PHF24: variants seen among roughly 807,000 people sequenced by gnomAD.
The protein encoded by PHF24 is PHD finger protein 24.
PHF24 carries 25 observed loss-of-function variants against 42.6 expected under a neutral mutation model. The ratio of observed to expected loss-of-function variants is 0.59; its 90% confidence interval spans 0.43 to 0.82. The LOEUF is 0.82. Ranked by LOEUF, PHF24 falls within the 40% of genes least tolerant of loss-of-function variation. The pLI is 0.00. For missense variants in PHF24, 470 were observed against 538.1 expected, an observed-to-expected ratio of 0.87 and a Z score of 1.25; for synonymous variants, 185 against 204.8, an observed-to-expected ratio of 0.90 and a Z score of 0.83.
the PHF24 span, among the ~76,000 whole-genome samples, chr9:34,937,520 G>A: frequency 3.3e-5 from 5 of 152,056 alleles, no homozygotes; most frequent in South Asian, 2.1e-4. Context: ...GCGGAAGGCC[G>A]CAGGGTCCTC....
the PHF24 span, chr9:34,832,920 C>A: frequency 1.3e-6 from 2 of 1,551,668 alleles, no homozygotes; most frequent in Non-Finnish European, 1.7e-6. Context: ...TCCCCAGGGA[C>A]TCGTGGAGGT....
the PHF24 span, among the ~76,000 whole-genome samples, chr9:34,771,651 C>G: frequency 6.6e-6 from 1 of 152,100 alleles, no homozygotes; most frequent in East Asian, 1.9e-4. Context: ...GCCATTTTAT[C>G]ATATGTGTAG....
intron 1 of PHF24, among the ~76,000 whole-genome samples, chr9:34,970,595 G>A (rs1014628572): frequency 2.6e-5 from 4 of 152,182 alleles, no homozygotes; most frequent in African/African-American, 9.7e-5. Context: ...ATGAGGATTA[G>A]CCCCAGATGG....
chr9:34,891,575 G>T, the PHF24 span, among the ~76,000 whole-genome samples: 2 of 152,232 alleles, frequency 1.3e-5, no homozygotes, highest in Non-Finnish European at 1.5e-5. Context: ...GTCACAGGAT[G>T]AACTGGATAG....
chr9:34,869,484 TTTGTGTTTCTCTAGTGATG>T, the PHF24 span, among the ~76,000 whole-genome samples: 1 of 152,246 alleles, frequency 6.6e-6, no homozygotes, highest in Non-Finnish European at 1.5e-5. Flanking sequence ...GTAGTTTTTA[TTTGTGTTTCTCTAGTGATG>T]AGTGATGTTG....
exon 8 of PHF24, chr9:34,979,179 C>G (rs538510703): frequency 6.6e-6 from 1 of 152,402 alleles, no homozygotes; most frequent in Non-Finnish European, 1.5e-5. Flanking sequence ...GGGACTCTTT[C>G]AGCCATCCTG....
the PHF24 span, chr9:34,725,129 A>G: frequency 6.5e-7 from 1 of 1,548,990 alleles, no homozygotes; most frequent in Non-Finnish European, 8.7e-7. Context: ...GACCCCAGAA[A>G]TTCTGCAGTC....
chr9:34,832,775 A>C, the PHF24 span: 98 of 1,550,928 alleles, frequency 6.3e-5, 1 homozygote, highest in East Asian at 2.4e-3. Flanking sequence ...GCTTAGCCTG[A>C]GTTGGTTGGC....
rs559233987 is a variant in PHF24 at position 34,977,866 on chromosome 9, C to T, written c.1107-149C>T. On this transcript the variant is annotated intron_variant, in intron 7 of 7. Coordinates refer to ENST00000242315, the Ensembl canonical transcript of PHF24. ...CAGGTCAGGCATGAGCCAAGCTTCC[C>T]TGAGTTTTGTGTAGCTCAAGCCATG... 9.6e-5 allele frequency: 74 copies of T among 773,202 alleles called. No individual in the cohort carries two copies. In the East Asian group the frequency reaches 1.8e-3, roughly 19 times the overall value. The allele number at this position is 773,202 out of a possible 1,614,324, so 47.9% of individuals were successfully genotyped here.
the PHF24 span, among the ~76,000 whole-genome samples, chr9:34,848,477 T>G: frequency 6.6e-6 from 1 of 152,194 alleles, no homozygotes; most frequent in Non-Finnish European, 1.5e-5. Flanking sequence ...TGCGTCTATT[T>G]GATTCTTCTC....
At chr9:34,872,235 T>C in the PHF24 span, among the ~76,000 whole-genome samples, 1 of 151,812 alleles carries the variant, frequency 6.6e-6, no homozygotes. Context: ...CTTTAAGTTT[T>C]AGGGTACATG....
chr9:34,875,934 A>ACC, the PHF24 span, among the ~76,000 whole-genome samples: 1 of 78,158 alleles, frequency 1.3e-5, no homozygotes, highest in Non-Finnish European at 2.6e-5. Flanking sequence ...ACACACACAC[A>ACC]CACACACACA....
chr9:34,756,358 C>G, the PHF24 span, among the ~76,000 whole-genome samples: 24 of 152,242 alleles, frequency 1.6e-4, no homozygotes, highest in South Asian at 5.0e-3. Flanking sequence ...CTTGGCCTCC[C>G]GAAGTGCTGG....
chr9:34,676,927 A>C, the PHF24 span, among the ~76,000 whole-genome samples: 1 of 152,220 alleles, frequency 6.6e-6, no homozygotes. Flanking sequence ...CTCCATGAGA[A>C]ATCCATTCCC....
intron 2 of PHF24, 29 bp downstream of exon 2, chr9:34,971,705 A>G: frequency 6.4e-7 from 1 of 1,572,790 alleles, no homozygotes; most frequent in East Asian, 2.3e-5. Flanking sequence ...CAGGATCCTC[A>G]AGTCTTAGTG....
chr9:34,695,132 G>A, the PHF24 span, among the ~76,000 whole-genome samples: 1 of 152,216 alleles, frequency 6.6e-6, no homozygotes, highest in African/African-American at 2.4e-5. Flanking sequence ...ACATTCTGTA[G>A]TGGTGGGGAG....
chr9:34,723,970 G>T, the PHF24 span: 9 of 1,550,872 alleles, frequency 5.8e-6, no homozygotes, highest in Non-Finnish European at 7.8e-6. Context: ...GGGGTGTCTT[G>T]TTTGGAAGCA....
At chr9:34,933,759 G>A in the PHF24 span, among the ~76,000 whole-genome samples, 2 of 151,098 alleles carry the variant, frequency 1.3e-5, no homozygotes, top group Admixed American at 6.6e-5. Context: ...AAACATGGAG[G>A]CAACTGAAGT....
chr9:34,832,331 TCAAGGACAGTGA>T, the PHF24 span: 1 of 676,542 alleles, frequency 1.5e-6, no homozygotes, highest in Middle Eastern at 2.5e-4. Context: ...CACAAGCCAC[TCAAGGACAGTGA>T]CGAGGACAGT....
Sources: gnomAD v4.1 joint callset for allele counts (sites outside exome capture counted in the v4.1 genomes callset) on GRCh38, gnomAD v4.1.1 for gene constraint, MANE v1.5 for transcripts, NCBI Gene and HGNC (gene_info 2026-07-23, HGNC 2026-07-21) for gene names.